SLC9A8: variants seen among roughly 807,000 people sequenced by gnomAD.
SLC9A8 encodes solute carrier family 9 member A8.
SLC9A8 carries 48 observed loss-of-function variants against 66.6 expected under a neutral mutation model. The ratio of observed to expected loss-of-function variants is 0.72; its 90% CI spans 0.57 to 0.92. SLC9A8 has a LOEUF of 0.92. SLC9A8 is among the 40% of genes least tolerant of loss of function. SLC9A8 has a pLI of 0.00. For synonymous variants in SLC9A8, 274 were observed against 282.6 expected (o/e 0.97, Z 0.31); for missense variants, 599 against 747.3 (o/e 0.80, Z 2.31).
At chr20:49,855,685 C>A in intron 8 of SLC9A8, 104 bp downstream of exon 8, 1 of 1,092,440 alleles carries the variant, frequency 9.2e-7, no homozygotes, top group Non-Finnish European at 1.3e-6. Context: ...AGTTGCTTGT[C>A]CTCTGGGTGA....
At chr20:49,832,065 C>G (rs1454692593) in intron 3 of SLC9A8, among the ~76,000 whole-genome samples, 9 of 152,180 alleles carry the variant, frequency 5.9e-5, no homozygotes, top group Admixed American at 5.9e-4. Context: ...AAGAGCTGCT[C>G]TGACCTTGGT....
At chr20:49,834,183 C>CTATATA (rs1354363889) in intron 3 of SLC9A8, among the ~76,000 whole-genome samples, 13 of 36,980 alleles carry the variant, frequency 3.5e-4, no homozygotes, top group Admixed American at 6.7e-4. Flanking sequence ...CTCTCTCTCT[C>CTATATA]TCTATATATA....
chr20:49,847,015 A>G (rs2088025403), intron 5 of SLC9A8, among the ~76,000 whole-genome samples: 1 of 152,258 alleles, frequency 6.6e-6, no homozygotes, highest in Admixed American at 6.5e-5. Context: ...AGATTTGTCT[A>G]GAAATGTTTG....
intron 2 of SLC9A8, among the ~76,000 whole-genome samples, chr20:49,816,305 C>A (rs917125458): frequency 4.0e-5 from 6 of 151,262 alleles, no homozygotes; most frequent in Non-Finnish European, 8.9e-5. Context: ...CTGTAATCCC[C>A]GCTACTCAGG....
intron 2 of SLC9A8, among the ~76,000 whole-genome samples, chr20:49,817,604 G>A (rs1023475930): frequency 2.0e-5 from 3 of 151,948 alleles, no homozygotes; most frequent in African/African-American, 7.3e-5. Context: ...ACCAGCCTGG[G>A]CAACATAGTG....
chr20:49,818,136 A>G (rs1261369802), intron 2 of SLC9A8, among the ~76,000 whole-genome samples: 2 of 152,216 alleles, frequency 1.3e-5, no homozygotes, highest in African/African-American at 4.8e-5. Context: ...TAGCTGAACA[A>G]AAGACCACAA....
rs1366741959 is a variant in SLC9A8 at position 49,855,508 on chromosome 20, G to A, written c.640G>A (p.Val214Met). ...ATIAIFNALH[V>M]DPVLNMLVFG... ...TATTGCCATTTTCAATGCACTTCAT[G>A]TGGACCCCGTGCTCAACATGCTGGT... is the stretch of plus-strand genomic sequence containing the variant. Residue 214 changes from valine to methionine, a missense_variant, in exon 8 of 16, where the codon GTG becomes ATG. Physicochemically the swap from Val to Met is conservative, Grantham distance 21. Transcript: ENST00000361573. The A allele has an allele frequency of 2.5e-6, 4 of 1,614,026 alleles. No individual in the cohort carries two copies. Among genetic ancestry groups the A allele is most frequent in the Admixed American group, 1.7e-5 (1 of 59,998 alleles).
chr20:49,856,028 A>G (rs932944262), intron 8 of SLC9A8, among the ~76,000 whole-genome samples: 3 of 152,310 alleles, frequency 2.0e-5, no homozygotes, highest in Middle Eastern at 3.4e-3. Flanking sequence ...CCTGGGCTCA[A>G]GCAGTTTGCC....
intron 3 of SLC9A8, among the ~76,000 whole-genome samples, chr20:49,824,303 A>G (rs2086842990): frequency 6.6e-6 from 1 of 152,258 alleles, no homozygotes; most frequent in Non-Finnish European, 1.5e-5. Flanking sequence ...TTTTAGCAAT[A>G]TATCTTGGTA....
intron 8 of SLC9A8, among the ~76,000 whole-genome samples, chr20:49,859,889 T>C (rs17786166): frequency 0.11 from 16,764 of 152,186 alleles, 994 homozygotes; most frequent in African/African-American, 0.16. Flanking sequence ...AGAAACAAAA[T>C]GTAGAAAATT....
At chr20:49,834,323 T>C (rs1311690129) in intron 3 of SLC9A8, among the ~76,000 whole-genome samples, 2 of 101,978 alleles carry the variant, frequency 2.0e-5, no homozygotes, top group African/African-American at 7.5e-5. Context: ...TGTATATATA[T>C]ATATACTGTG....
intron 10 of SLC9A8, among the ~76,000 whole-genome samples, chr20:49,869,648 A>G (rs572084427): frequency 7.9e-5 from 12 of 152,054 alleles, no homozygotes; most frequent in African/African-American, 1.4e-4. Context: ...TCTGGCTAAT[A>G]TGGTGAAACC....
At chr20:49,832,395 C>T (rs1490600752) in intron 3 of SLC9A8, among the ~76,000 whole-genome samples, 1 of 152,126 alleles carries the variant, frequency 6.6e-6, no homozygotes, top group Non-Finnish European at 1.5e-5. Context: ...CTGGGACATC[C>T]TCGAGGCCCT....
At chr20:49,884,289 G>GACAC (rs1176516884) in intron 14 of SLC9A8, 50 of 38,758 alleles carry the variant, frequency 1.3e-3, no homozygotes, top group Non-Finnish European at 2.1e-3. Flanking sequence ...ACACACACAC[G>GACAC]ACACACACAC....
At chr20:49,882,895 C>T (rs1013815000) in intron 13 of SLC9A8, among the ~76,000 whole-genome samples, 9 of 152,156 alleles carry the variant, frequency 5.9e-5, no homozygotes, top group African/African-American at 1.9e-4. Flanking sequence ...CTGCCGTCTC[C>T]CCATCTGGGT....
At chr20:49,856,253 G>T (rs2088478178) in intron 8 of SLC9A8, among the ~76,000 whole-genome samples, 1 of 152,098 alleles carries the variant, frequency 6.6e-6, no homozygotes, top group Non-Finnish European at 1.5e-5. Flanking sequence ...TTTTTAATAA[G>T]TTCCCCAGAT....
chr20:49,848,037 T>G (rs1223710592), intron 5 of SLC9A8, among the ~76,000 whole-genome samples: 2 of 151,740 alleles, frequency 1.3e-5, no homozygotes, highest in Non-Finnish European at 2.9e-5. Context: ...GCGATTCTCC[T>G]GCCTCAGCCT....
chr20:49,854,680 G>C (rs747114893), intron 7 of SLC9A8, among the ~76,000 whole-genome samples: 19 of 152,124 alleles, frequency 1.2e-4, no homozygotes, highest in Non-Finnish European at 2.1e-4. Flanking sequence ...GAGTGACCTT[G>C]GACAAGTTAC....
intron 13 of SLC9A8, among the ~76,000 whole-genome samples, chr20:49,882,872 CT>C (rs2089682666): frequency 6.6e-6 from 1 of 152,182 alleles, no homozygotes; most frequent in Non-Finnish European, 1.5e-5. Flanking sequence ...ATTATGTGCC[CT>C]TTGCTCTTGC....
Sources: gnomAD v4.1 joint callset for allele counts (sites outside exome capture counted in the v4.1 genomes callset) on GRCh38, gnomAD v4.1.1 for gene constraint, MANE v1.5 for transcripts, NCBI Gene and HGNC (gene_info 2026-07-23, HGNC 2026-07-21) for gene names.